The following COL21A1 variants were observed in gnomAD, a reference collection of about 807,000 sequenced individuals.
COL21A1 encodes collagen alpha-1(XXI) chain.
Under a neutral mutation model 137.9 loss-of-function variants are expected in COL21A1, and 149 were observed. The ratio of observed to expected loss-of-function variants is 1.08; its 90% CI spans 0.95 to 1.24. The LOEUF is 1.24. Ranked by LOEUF, COL21A1 falls within the 50% of genes most tolerant of loss-of-function variation. The pLI is 0.00. For synonymous variants in COL21A1, 456 were observed against 391.5 expected (o/e 1.16, Z -1.95); for missense variants, 1,167 against 1,158.4 (o/e 1.01, Z -0.11).
chr6:56,076,909 T>A (rs1484504301), intron 18 of COL21A1, among the ~76,000 whole-genome samples: 1 of 151,282 alleles, frequency 6.6e-6, no homozygotes, highest in African/African-American at 2.4e-5. Flanking sequence ...TAAAGAGATA[T>A]CCATATCTAG....
intron 1 of COL21A1, among the ~76,000 whole-genome samples, chr6:56,272,972 A>G (rs75822359): frequency 0.01 from 1,548 of 152,328 alleles, 32 homozygotes; most frequent in African/African-American, 0.035. Flanking sequence ...GATCAAACAC[A>G]TGCTTGGTCA....
At chr6:56,313,208 A>G (rs79141815) in intron 1 of COL21A1, among the ~76,000 whole-genome samples, 2,981 of 152,060 alleles carry the variant, frequency 0.02, 96 homozygotes, top group African/African-American at 0.069. Flanking sequence ...TTCCTCATAT[A>G]TACACTGCAC....
At chr6:56,170,929 C>T (rs755071870) in intron 4 of COL21A1, 31 bp downstream of exon 4, 12 of 1,589,370 alleles carry the variant, frequency 7.6e-6, no homozygotes, top group Non-Finnish European at 9.4e-6. Context: ...CATATCCCCC[C>T]AAAAAAGTTG....
In COL21A1 at chr6:56,267,312, C is replaced by G. The variant is rs147554637; in HGVS notation, c.-38-84656G>C. 2.5e-3 allele frequency among the ~76,000 whole-genome samples: 383 copies of G among 152,268 alleles called. 1 individual carries two copies. Among genetic ancestry groups the G allele is most frequent in the Non-Finnish European group, 3.6e-3 (248 of 68,020 alleles). ...CCTGAATTCTGGCCAATGGAATGTT[C>G]CTGGTGCATAAAAACTTTTTCTGCA... On this transcript the variant is annotated intron_variant, in intron 1 of 28. Transcript: ENST00000370819.
intron 1 of COL21A1, among the ~76,000 whole-genome samples, chr6:56,257,251 G>A (rs1002235098): frequency 6.6e-6 from 1 of 152,156 alleles, no homozygotes; most frequent in African/African-American, 2.4e-5. Flanking sequence ...GTTTAAGGCA[G>A]GGTACTATGG....
chr6:56,139,445 T>G (rs768818104), intron 12 of COL21A1, among the ~76,000 whole-genome samples: 1 of 152,040 alleles, frequency 6.6e-6, no homozygotes, highest in African/African-American at 2.4e-5. Context: ...CTGTAACTGC[T>G]TTAAGCCCCC....
chr6:56,124,988 T>A (rs1288569588), intron 14 of COL21A1, among the ~76,000 whole-genome samples: 4 of 136,808 alleles, frequency 2.9e-5, no homozygotes, highest in Non-Finnish European at 4.7e-5. Context: ...TCCTAAGGAA[T>A]CTCTCACTGT....
chr6:56,353,795 A>C (rs1001242444), intron 1 of COL21A1, among the ~76,000 whole-genome samples: 5 of 152,206 alleles, frequency 3.3e-5, no homozygotes, highest in Non-Finnish European at 4.4e-5. Context: ...AAGGACAAAC[A>C]AAACAAACAT....
chr6:56,324,758 T>C (rs1333317171), intron 1 of COL21A1, among the ~76,000 whole-genome samples: 1 of 151,974 alleles, frequency 6.6e-6, no homozygotes, highest in Non-Finnish European at 1.5e-5. Context: ...ACCCAAATCA[T>C]TGAAACTTGG....
At chr6:56,177,501 T>C (rs1340690672) in intron 3 of COL21A1, among the ~76,000 whole-genome samples, 1 of 152,068 alleles carries the variant, frequency 6.6e-6, no homozygotes, top group Non-Finnish European at 1.5e-5. Flanking sequence ...CAGTATAAAA[T>C]GTCAAGTGCA....
intron 28 of COL21A1, among the ~76,000 whole-genome samples, chr6:56,059,679 G>A (rs1293954199): frequency 6.6e-6 from 1 of 151,906 alleles, no homozygotes; most frequent in Non-Finnish European, 1.5e-5. Flanking sequence ...AAATGAATAA[G>A]GTAACAGTGC....
At chr6:56,063,307 T>C (rs1346205964) in intron 24 of COL21A1, among the ~76,000 whole-genome samples, 1 of 152,182 alleles carries the variant, frequency 6.6e-6, no homozygotes, top group Non-Finnish European at 1.5e-5. Context: ...CCTTCTTTTC[T>C]GAGAGTTATT....
At chr6:56,203,627 G>A (rs1779550176) in intron 1 of COL21A1, among the ~76,000 whole-genome samples, 1 of 152,204 alleles carries the variant, frequency 6.6e-6, no homozygotes, top group South Asian at 2.1e-4. Context: ...CAATTTGAAA[G>A]GCTTCCATTG....
chr6:56,129,579 AT>A (rs1265404639), intron 12 of COL21A1, among the ~76,000 whole-genome samples: 1 of 151,988 alleles, frequency 6.6e-6, no homozygotes, highest in Non-Finnish European at 1.5e-5. Flanking sequence ...AAGGAATCAT[AT>A]TTTTTAGCTT....
intron 10 of COL21A1, 77 bp downstream of exon 10, chr6:56,156,810 A>T: frequency 8.7e-7 from 1 of 1,155,308 alleles, no homozygotes; most frequent in Non-Finnish European, 1.3e-6. Context: ...TTGTCTGTTT[A>T]GATTTGCTCA....
At chr6:56,232,395 T>C (rs1328871801) in intron 1 of COL21A1, among the ~76,000 whole-genome samples, 1 of 151,930 alleles carries the variant, frequency 6.6e-6, no homozygotes, top group African/African-American at 2.4e-5. Flanking sequence ...ATTGATACTG[T>C]CATTAAATAT....
chr6:56,126,712 T>C (rs1773075282), intron 12 of COL21A1: 1 of 152,318 alleles, frequency 6.6e-6, no homozygotes, highest in African/African-American at 2.4e-5. Flanking sequence ...TTAGTAGATA[T>C]AAGTTTAGTA....
chr6:56,173,644 C>A (rs1007213317), intron 3 of COL21A1, among the ~76,000 whole-genome samples: 7 of 151,998 alleles, frequency 4.6e-5, no homozygotes, highest in Non-Finnish European at 1.0e-4. Flanking sequence ...AGGGTCAACT[C>A]ACCAGGAAGA....
At chr6:56,121,834 A>C (rs1772564681) in intron 16 of COL21A1, among the ~76,000 whole-genome samples, 1 of 152,070 alleles carries the variant, frequency 6.6e-6, no homozygotes, top group Non-Finnish European at 1.5e-5. Context: ...TTAAACAAAA[A>C]AAGTAAATAG....
Sources: allele counts gnomAD v4.1 joint callset (sites outside exome capture counted in the v4.1 genomes callset), GRCh38; gene constraint gnomAD v4.1.1; transcripts MANE v1.5; gene names NCBI Gene and HGNC (gene_info 2026-07-23, HGNC 2026-07-21).